Variants in B4GALT6 observed in about 807,000 individuals in gnomAD.
The protein encoded by B4GALT6 is UDP-Gal:beta-GlcNAc beta-1,4-galactosyltransferase 6.
Under a neutral mutation model 46.3 loss-of-function variants are expected in B4GALT6, and 14 were observed. That is an observed-to-expected ratio of 0.30 (90% confidence interval 0.20 to 0.47). The LOEUF (loss-of-function observed/expected upper bound fraction) is 0.47. Ranked by LOEUF, B4GALT6 falls within the 20% of genes least tolerant of loss-of-function variation. The pLI is 0.99. For missense variants in B4GALT6, 386 were observed against 480.1 expected (o/e 0.80, Z 1.83); for synonymous variants, 168 against 162.0 (o/e 1.04, Z -0.28).
chr18:31,657,697 G>A (rs1285494012), intron 3 of B4GALT6, among the ~76,000 whole-genome samples: 1 of 152,162 alleles, frequency 6.6e-6, no homozygotes, highest in South Asian at 2.1e-4. Flanking sequence ...TTGGACATAG[G>A]TAAGCCGAAG....
Position 31,627,099 on chromosome 18 carries a change from CA to C in B4GALT6, c.798del (p.Phe266LeufsTer4). The C allele has an allele frequency of 6.2e-7, 1 of 1,601,806 alleles. No homozygotes were observed. Among genetic ancestry groups the C allele is most frequent in the Non-Finnish European group, 8.5e-7 (1 of 1,175,578 alleles). ...YMYILPYKEFFGGVSGLTVEQ... is the reference protein window; with the variant it reads ...YMYILPYKEFXGGVSGLTVEQ... Reference sequence around the variant, plus strand: ...TCCACTGTCAGCCCACTTACACCACCAAAAAATTCTTTATATGGAAGACTAG... The same window carrying C: ...TCCACTGTCAGCCCACTTACACCACCAAAAATTCTTTATATGGAAGACTAG... On this transcript the variant is annotated frameshift_variant, in exon 7 of 9. Coordinates refer to ENST00000306851, the MANE Select transcript of B4GALT6 (RefSeq NM_004775.5). LOFTEE classifies it high-confidence loss of function.
chr18:31,648,581 T>G (rs2074021449), intron 3 of B4GALT6, among the ~76,000 whole-genome samples: 1 of 152,232 alleles, frequency 6.6e-6, no homozygotes, highest in Non-Finnish European at 1.5e-5. Context: ...GGACATTTAC[T>G]ATATCCTAAT....
At chr18:31,636,860 C>A (rs1036636759) in intron 5 of B4GALT6, among the ~76,000 whole-genome samples, 1 of 152,116 alleles carries the variant, frequency 6.6e-6, no homozygotes, top group Admixed American at 6.5e-5. Flanking sequence ...CTCGCTCTGC[C>A]GCCCAGGCTG....
intron 2 of B4GALT6, among the ~76,000 whole-genome samples, chr18:31,659,796 A>G (rs2074189262): frequency 6.6e-6 from 1 of 152,124 alleles, no homozygotes; most frequent in South Asian, 2.1e-4. Flanking sequence ...AAATTCAGTG[A>G]ACATTAATTG....
intron 4 of B4GALT6, among the ~76,000 whole-genome samples, chr18:31,642,106 G>A (rs1257536523): frequency 6.6e-6 from 1 of 152,204 alleles, no homozygotes; most frequent in Non-Finnish European, 1.5e-5. Context: ...GGAGGCACTT[G>A]GTTAAAAATG....
the B4GALT6 span, among the ~76,000 whole-genome samples, chr18:31,707,450 T>C: frequency 1.3e-5 from 2 of 152,152 alleles, no homozygotes; most frequent in Non-Finnish European, 2.9e-5. Flanking sequence ...TTACGAGTTG[T>C]AGCTTTTGCC....
intron 1 of B4GALT6, among the ~76,000 whole-genome samples, chr18:31,678,312 T>C (rs2074438460): frequency 6.6e-6 from 1 of 152,168 alleles, no homozygotes; most frequent in South Asian, 2.1e-4. Flanking sequence ...GCAGGTCAGT[T>C]AGAAGACTGG....
intron 2 of B4GALT6, among the ~76,000 whole-genome samples, chr18:31,660,583 A>T (rs993784850): frequency 1.3e-5 from 2 of 152,154 alleles, no homozygotes; most frequent in African/African-American, 2.4e-5. Flanking sequence ...AGAATTCTTA[A>T]AAATAAGTTT....
At chr18:31,670,858 C>T (rs1487243422) in intron 1 of B4GALT6, among the ~76,000 whole-genome samples, 1 of 151,978 alleles carries the variant, frequency 6.6e-6, no homozygotes. Context: ...CCCATCAACC[C>T]GTCACCTACA....
the B4GALT6 span, among the ~76,000 whole-genome samples, chr18:31,713,617 A>C: frequency 6.6e-6 from 1 of 152,116 alleles, no homozygotes; most frequent in Non-Finnish European, 1.5e-5. Context: ...GCCTTTTTTT[A>C]GTTAGTCTGG....
At chr18:31,662,211 A>C (rs893570155) in intron 2 of B4GALT6, among the ~76,000 whole-genome samples, 2 of 152,150 alleles carry the variant, frequency 1.3e-5, no homozygotes, top group African/African-American at 2.4e-5. Flanking sequence ...CATTATATTC[A>C]CTTCATTGAA....
At chr18:31,671,439 G>C (rs540185163) in intron 1 of B4GALT6, among the ~76,000 whole-genome samples, 4 of 152,228 alleles carry the variant, frequency 2.6e-5, no homozygotes, top group African/African-American at 9.6e-5. Context: ...GATCACCACT[G>C]TAACTGGCAT....
the B4GALT6 span, chr18:31,724,374 G>T: frequency 1.9e-6 from 2 of 1,070,774 alleles, no homozygotes; most frequent in Non-Finnish European, 2.3e-6. Context: ...CGCTCCAGCT[G>T]ACCTCTGACT....
At chr18:31,694,208 G>C in the B4GALT6 span, among the ~76,000 whole-genome samples, 3 of 152,046 alleles carry the variant, frequency 2.0e-5, no homozygotes, top group Non-Finnish European at 2.9e-5. Flanking sequence ...CACCTGACTA[G>C]GCATGAATAA....
At chr18:31,666,729 A>C (rs2074287369) in intron 1 of B4GALT6, among the ~76,000 whole-genome samples, 1 of 152,228 alleles carries the variant, frequency 6.6e-6, no homozygotes, top group African/African-American at 2.4e-5. Flanking sequence ...TACAGTTACA[A>C]AATTCAGTTT....
At chr18:31,709,607 A>G in the B4GALT6 span, among the ~76,000 whole-genome samples, 47 of 118,422 alleles carry the variant, frequency 4.0e-4, no homozygotes, top group Middle Eastern at 4.5e-3. Flanking sequence ...GTGTGTGTAT[A>G]TATATATCCT....
At position 31,625,487 on chromosome 18, in the gene B4GALT6, T is replaced by G. The variant is rs1695459818; in HGVS notation, c.*127A>C. 5 of 1,015,896 alleles carry G rather than the reference T, an allele frequency of 4.9e-6. No individual in the cohort carries two copies. The highest frequency in any genetic ancestry group is 7.5e-6 in the Non-Finnish European group (5 of 669,912). The allele number at this position is 1,015,896 out of a possible 1,614,324, so 62.9% of individuals were successfully genotyped here. On this transcript the variant is annotated 3_prime_UTR_variant, in exon 9 of 9. Coordinates refer to ENST00000306851, the MANE Select transcript of B4GALT6 (RefSeq NM_004775.5). ...GTATATAGTCCCACTCTGTAAACACTGTGGACTGCTGGCTCTTCTCAGAGA... is the reference window on the plus strand; with the variant it reads ...GTATATAGTCCCACTCTGTAAACACGGTGGACTGCTGGCTCTTCTCAGAGA...
chr18:31,649,575 CAAAAA>C (rs66578099), intron 3 of B4GALT6, among the ~76,000 whole-genome samples: 6 of 102,410 alleles, frequency 5.9e-5, no homozygotes, highest in African/African-American at 6.5e-5. Context: ...AAAAAATGAG[CAAAAA>C]AAAAAAAAAA....
intron 1 of B4GALT6, among the ~76,000 whole-genome samples, chr18:31,674,062 C>A (rs531568556): frequency 6.6e-6 from 1 of 152,276 alleles, no homozygotes; most frequent in East Asian, 1.9e-4. Flanking sequence ...CCTGCCAACA[C>A]CTTAATTTCA....
Sources: allele counts gnomAD v4.1 joint callset (sites outside exome capture counted in the v4.1 genomes callset), GRCh38; gene constraint gnomAD v4.1.1; transcripts MANE v1.5; gene names NCBI Gene and HGNC (gene_info 2026-07-23, HGNC 2026-07-21).